Variants in CTR9 observed in about 807,000 individuals in gnomAD.
CTR9 encodes CTR9 component of Paf1/RNA polymerase II complex, also known as RNA polymerase-associated protein CTR9 homolog.
Under a neutral mutation model 152.1 loss-of-function variants are expected in CTR9, and 41 were observed. The observed-to-expected ratio is 0.27, with a 90% CI of 0.21 to 0.35. The LOEUF (loss-of-function observed/expected upper bound fraction) is 0.35. Among genes scored for constraint, CTR9 ranks in the 10% least tolerant of loss-of-function variants. The pLI, the probability that CTR9 is intolerant of heterozygous loss-of-function variation, is 1.00. For missense variants in CTR9, 917 were observed against 1,424.4 expected (o/e 0.64, Z 5.73); for synonymous variants, 476 against 496.2 (o/e 0.96, Z 0.54).
At position 10,770,302 on chromosome 11, in the gene CTR9, G is replaced by T. The variant is rs1863122977; in HGVS notation, c.2202G>T (p.Gln734His). The T allele has an allele frequency of 1.9e-6, 3 of 1,613,874 alleles. No homozygotes were observed. The East Asian group carries it at 6.7e-5, about 36-fold the overall frequency. ...CCCTCTTCAAGTGTGGCAAGTTACA[G>T]GAATGCAAACAGACTTTGCTGAAGG... is the stretch of plus-strand genomic sequence containing the variant. ...ARALFKCGKL[Q>H]ECKQTLLKAR... Residue 734 changes from glutamine to histidine, a missense_variant, in exon 17 of 25, where the codon CAG becomes CAT. Coordinates refer to ENST00000361367, the MANE Select transcript of CTR9 (RefSeq NM_014633.5).
chr11:10,754,114 C>G (rs10840487), intron 2 of CTR9, among the ~76,000 whole-genome samples: 17,151 of 152,188 alleles, frequency 0.11, 1,657 homozygotes, highest in African/African-American at 0.25. Context: ...CTCAAGCCAT[C>G]CTGCCACTAC....
rs1863073391 is a variant in CTR9 at position 10,767,159 on chromosome 11, A to G, written c.1687-647A>G. ...TGTGGGGGTCTACAACAAGAAGTGT[A>G]TATTTTCAAACAATTTTTTAATGAT... is the stretch of plus-strand genomic sequence containing the variant. On this transcript the variant is annotated intron_variant, in intron 13 of 24. Coordinates refer to ENST00000361367, the MANE Select transcript of CTR9 (RefSeq NM_014633.5). The surrounding 1 kb of genome is among the most constrained non-coding windows in gnomAD (Gnocchi z 4.0). 1 of 152,890 alleles carries G rather than the reference A, an allele frequency of 6.5e-6. No homozygotes were observed. The highest frequency in any genetic ancestry group is 1.5e-5 in the Non-Finnish European group (1 of 68,212). The allele number at this position is 152,890 out of a possible 1,614,324, so 9.5% of individuals were successfully genotyped here. A position where few individuals can be genotyped will look rare whatever the true frequency, so the allele number is the denominator to read the frequency against.
rs1334187115 is a variant in CTR9 at position 10,751,418 on chromosome 11, G to A, written c.6G>A (p.Ser2=). Residue 2 remains serine (S), a synonymous_variant, in exon 1 of 25, where the codon TCG becomes TCA. Coordinates refer to ENST00000361367, the MANE Select transcript of CTR9 (RefSeq NM_014633.5). M[S]RGSIEIPLRD... is the part of the protein sequence containing the mutation. ...GCTCGCCTTTTGACCCCATCATGTC[G>A]CGGGGCTCCATCGAGATTCCCCTCC... 4 of 1,613,248 alleles carry A rather than the reference G, an allele frequency of 2.5e-6. No individual in the cohort carries two copies. The highest frequency in any genetic ancestry group is 3.4e-6 in the Non-Finnish European group (4 of 1,180,000).
At chr11:10,768,672 C>T (rs1205441357) in intron 16 of CTR9, among the ~76,000 whole-genome samples, 181 bp downstream of exon 16, 2 of 152,156 alleles carry the variant, frequency 1.3e-5, no homozygotes, top group African/African-American at 4.8e-5. Flanking sequence ...GATGTGAGTC[C>T]TGGTTCCACC....
At chr11:10,775,760 T>G (rs1238742324) in intron 24 of CTR9, 127 bp downstream of exon 24, 2 of 593,686 alleles carry the variant, frequency 3.4e-6, no homozygotes, top group Non-Finnish European at 5.5e-6. Context: ...ATAAGAGGGG[T>G]GGGGACAGAC....
chr11:10,755,404 T>C (rs1199066456), intron 3 of CTR9, among the ~76,000 whole-genome samples: 1 of 152,236 alleles, frequency 6.6e-6, no homozygotes, highest in Non-Finnish European at 1.5e-5. Flanking sequence ...TACATAAAAC[T>C]TGCTCCAGTA....
At chr11:10,774,648 T>G (rs1436684099) in intron 22 of CTR9, among the ~76,000 whole-genome samples, 1 of 152,232 alleles carries the variant, frequency 6.6e-6, no homozygotes, top group Non-Finnish European at 1.5e-5. Flanking sequence ...AAGGATGCCC[T>G]ACCCATTTCT....
chr11:10,752,568 G>A (rs1159430789), intron 1 of CTR9, 104 bp from the exon 2 acceptor site: 6 of 765,132 alleles, frequency 7.8e-6, no homozygotes, highest in East Asian at 5.0e-5. Flanking sequence ...AAGTGAACAC[G>A]TACTCTATGT....
Position 10,751,439 on chromosome 11 carries a change from C to T in CTR9, c.27C>T (p.Pro9=). MSRGSIEI[P]LRDTDEVIEL... Reference sequence around the variant, plus strand: ...TGTCGCGGGGCTCCATCGAGATTCCCCTCCGGGACACTGACGAGGTAAGTG... The same window carrying T: ...TGTCGCGGGGCTCCATCGAGATTCCTCTCCGGGACACTGACGAGGTAAGTG... Residue 9 remains proline, a synonymous_variant, in exon 1 of 25, where the codon CCC becomes CCT. Coordinates refer to ENST00000361367, the MANE Select transcript of CTR9 (RefSeq NM_014633.5). 6 of 1,613,874 alleles carry T rather than the reference C, an allele frequency of 3.7e-6. No individual in the cohort carries two copies. Among genetic ancestry groups the T allele is most frequent in the Non-Finnish European group, 5.1e-6 (6 of 1,180,010 alleles).
chr11:10,768,293 T>G, intron 15 of CTR9, 50 bp from the exon 16 acceptor site: 3 of 1,585,588 alleles, frequency 1.9e-6, no homozygotes, highest in Non-Finnish European at 2.6e-6. Context: ...TAGTTGTTTT[T>G]CTGACTCCAA....
At position 10,770,263 on chromosome 11, in the gene CTR9, C is replaced by G. The variant is rs763403613; in HGVS notation, c.2163C>G (p.Leu721=). 6.2e-6 allele frequency: 10 copies of G among 1,614,094 alleles called. No individual in the cohort carries two copies. In the East Asian group the frequency reaches 1.8e-4, roughly 29 times the overall value. Residue 721 remains leucine (L), a synonymous_variant, in exon 17 of 25, where the codon CTC becomes CTG. Coordinates refer to ENST00000361367, the MANE Select transcript of CTR9 (RefSeq NM_014633.5). ...AGCACCAAAACACTGAAGTTGTACT[C>G]TATTTGGCCCGGGCCCTCTTCAAGT... ...FYKHQNTEVV[L]YLARALFKCG... is the part of the protein sequence containing the mutation.
chr11:10,771,723 A>T, intron 19 of CTR9, 107 bp downstream of exon 19: 1 of 743,356 alleles, frequency 1.3e-6, no homozygotes, highest in Non-Finnish European at 2.4e-6. Flanking sequence ...TCCACAGGTC[A>T]GTCTTTCACA....
chr11:10,774,210 G>A (rs376491040), intron 22 of CTR9, 41 bp downstream of exon 22: 46 of 1,562,650 alleles, frequency 2.9e-5, no homozygotes, highest in Non-Finnish European at 3.9e-5. Flanking sequence ...CCTCATAAAA[G>A]TGGTGAAAGA....
At chr11:10,760,014 A>T (rs1862951892) in intron 5 of CTR9, among the ~76,000 whole-genome samples, 159 bp from the exon 6 acceptor site, 1 of 152,222 alleles carries the variant, frequency 6.6e-6, no homozygotes, top group Non-Finnish European at 1.5e-5. Flanking sequence ...GCCTCCAAGG[A>T]AACCAAGTTT....
rs1006304772 is a variant in CTR9 at position 10,767,611 on chromosome 11, A to G, written c.1687-195A>G. On this transcript the variant is annotated intron_variant, in intron 13 of 24. Transcript: ENST00000361367. The surrounding 1 kb of genome is among the most constrained non-coding windows in gnomAD (Gnocchi z 4.0). ...ATTAATTAAAGTGGTGCAATTTTGT[A>G]TAACTTAGCTTTAGCATTAGTAGTT... The G allele has an allele frequency of 5.6e-5, 32 of 575,990 alleles. No individual in the cohort carries two copies. Among genetic ancestry groups the G allele is most frequent in the Non-Finnish European group, 8.6e-5 (28 of 324,666 alleles). 35.7% of individuals were successfully genotyped at this position (575,990 alleles called of 1,614,324 possible).
chr11:10,776,274 G>A (rs185880576), intron 24 of CTR9, among the ~76,000 whole-genome samples: 5 of 152,106 alleles, frequency 3.3e-5, no homozygotes, highest in South Asian at 2.1e-4. Context: ...TAGTAGAGAC[G>A]GGGTTTCTCC....
rs57192985 is a variant in CTR9 at position 10,755,330 on chromosome 11, G to C, written c.384+133G>C. Reference sequence around the variant, plus strand: ...GGTTGATAGAGTCAAAAAGAAGAAAGGTTCCTCATTAAAATCGGAATGCTT... The same window carrying C: ...GGTTGATAGAGTCAAAAAGAAGAAACGTTCCTCATTAAAATCGGAATGCTT... On this transcript the variant is annotated intron_variant, in intron 3 of 24. Transcript: ENST00000361367. 2.4e-3 allele frequency: 2,661 copies of C among 1,092,188 alleles called. 42 individuals are homozygous for C. In the African/African-American group the frequency reaches 0.036, roughly 15 times the overall value. The allele number at this position is 1,092,188 out of a possible 1,614,324, so 67.7% of individuals were successfully genotyped here. A position where few individuals can be genotyped will look rare whatever the true frequency, so the allele number is the denominator to read the frequency against.
At chr11:10,771,469 A>G (rs931393289) in intron 18 of CTR9, 76 bp from the exon 19 acceptor site, 5 of 1,079,206 alleles carry the variant, frequency 4.6e-6, no homozygotes, top group Middle Eastern at 2.7e-4. Flanking sequence ...TTTGTAGCAC[A>G]GATTAAATTT....
intron 7 of CTR9, among the ~76,000 whole-genome samples, chr11:10,762,827 G>A (rs1001858133): frequency 2.0e-5 from 3 of 151,934 alleles, no homozygotes; most frequent in African/African-American, 7.3e-5. Flanking sequence ...AACATAGTGA[G>A]ACCTCATCTC....
Sources: gnomAD v4.1 joint callset for allele counts (sites outside exome capture counted in the v4.1 genomes callset) on GRCh38, gnomAD v4.1.1 for gene constraint, Gnocchi (gnomAD v3.1) non-coding constraint, MANE v1.5 for transcripts, NCBI Gene and HGNC (gene_info 2026-07-23, HGNC 2026-07-21) for gene names.